Variants in IFT122 observed in about 807,000 individuals in gnomAD.
IFT122 encodes the protein intraflagellar transport protein 122 homolog.
A neutral mutation model predicts 161.6 loss-of-function variants in IFT122; 118 were observed. That is an observed-to-expected ratio of 0.73 (90% CI 0.63 to 0.85). The LOEUF is 0.85. Ranked by LOEUF, IFT122 falls within the 40% of genes least tolerant of loss-of-function variation. The pLI, the probability that IFT122 is intolerant of heterozygous loss-of-function variation, is 0.00. For synonymous variants in IFT122, 550 were observed against 602.4 expected, an observed-to-expected ratio of 0.91 and a Z score of 1.27; for missense variants, 1,381 against 1,579.6, an observed-to-expected ratio of 0.87 and a Z score of 2.13.
intron 4 of IFT122, among the ~76,000 whole-genome samples, chr3:129,458,945 C>T (rs1479188852): frequency 6.6e-6 from 1 of 152,132 alleles, no homozygotes; most frequent in African/African-American, 2.4e-5. Context: ...TTTATCCCAC[C>T]CCCAACCTGT....
In IFT122 at chr3:129,451,968, A is replaced by G; in HGVS notation, c.163A>G (p.Thr55Ala). The G allele has an allele frequency of 1.2e-6, 2 of 1,613,980 alleles. No individual in the cohort carries two copies. Among genetic ancestry groups the G allele is most frequent in the East Asian group, 2.2e-5 (1 of 44,870 alleles). The change falls in exon 3 of 30, where the codon ACT (threonine) becomes GCT (alanine). Residue 55 changes from threonine (T) to alanine (A), a missense_variant. Physicochemically the swap from Thr to Ala is moderately conservative, Grantham distance 58 (BLOSUM62 0). Around this residue, in one of 7 missense-constraint regions of IFT122, gnomAD observed 134 missense variants for 137.4 expected, o/e 0.98. Transcript: ENST00000348417. ...TCAGCCCCTCAAGGGACACAAAGAC[A>G]CTGTGTACTGTGTGGCATATGCGAA... ...LLQPLKGHKD[T>A]VYCVAYAKDG... is the part of the protein sequence containing the mutation.
chr3:129,482,138 A>T (rs909358076), intron 14 of IFT122, among the ~76,000 whole-genome samples: 1 of 152,222 alleles, frequency 6.6e-6, no homozygotes, highest in Non-Finnish European at 1.5e-5. Flanking sequence ...ATGTTTTGTC[A>T]TCTGAAAGGG....
chr3:129,518,363 C>T (rs986802360), intron 27 of IFT122, among the ~76,000 whole-genome samples: 1 of 152,254 alleles, frequency 6.6e-6, no homozygotes, highest in African/African-American at 2.4e-5. Flanking sequence ...GGGAACAGCA[C>T]ACACGTGGCC....
At chr3:129,474,223 C>T (rs2108255082) in intron 9 of IFT122, among the ~76,000 whole-genome samples, 1 of 152,146 alleles carries the variant, frequency 6.6e-6, no homozygotes, top group Admixed American at 6.5e-5. Flanking sequence ...AATTGGATGC[C>T]TTAAACAGTC....
chr3:129,509,489 G>A (rs1025229651), intron 23 of IFT122, among the ~76,000 whole-genome samples: 6 of 152,140 alleles, frequency 3.9e-5, no homozygotes, highest in South Asian at 2.1e-4. Flanking sequence ...GGCCAAATGC[G>A]TTGTCGATGT....
chr3:129,501,936 A>G (rs2081605489), intron 19 of IFT122, among the ~76,000 whole-genome samples: 1 of 152,188 alleles, frequency 6.6e-6, no homozygotes, highest in African/African-American at 2.4e-5. Context: ...TCTCACCAAG[A>G]CTAGCCTGGG....
intron 1 of IFT122, 37 bp from the exon 2 acceptor site, chr3:129,449,834 G>A (rs760410345): frequency 8.4e-6 from 12 of 1,429,616 alleles, no homozygotes; most frequent in Non-Finnish European, 1.2e-5. Flanking sequence ...TCATCATTTT[G>A]GTTCCTAATT....
intron 3 of IFT122, among the ~76,000 whole-genome samples, chr3:129,453,576 T>C (rs2075107568): frequency 6.6e-6 from 1 of 152,106 alleles, no homozygotes. Flanking sequence ...TAACCAGAGG[T>C]GGTTTTGCAA....
chr3:129,507,712 C>T lies in IFT122; in HGVS notation c.2836C>T (p.Gln946Ter). The change falls in exon 23 of 30, where the codon CAG becomes TAG. Residue 946 changes from glutamine (Q) to a stop codon, truncating the protein, a stop_gained. Transcript: ENST00000348417. LOFTEE classifies it high-confidence loss of function. ...AATGCTTGGCAAGTTCTACCACTTCCAGCGTTTGGCAGAGCTGTACCATGG... is the reference window on the plus strand; with the variant it reads ...AATGCTTGGCAAGTTCTACCACTTCTAGCGTTTGGCAGAGCTGTACCATGG... ...DTMLGKFYHF[Q>*]RLAELYHGYH... is the part of the protein sequence containing the mutation. 1 of 1,614,188 alleles carries T rather than the reference C, an allele frequency of 6.2e-7. No individual in the cohort carries two copies. Among genetic ancestry groups the T allele is most frequent in the African/African-American group, 1.3e-5 (1 of 75,062 alleles).
chr3:129,479,255 CAAAA>C (rs547629384), intron 12 of IFT122, among the ~76,000 whole-genome samples: 1 of 81,402 alleles, frequency 1.2e-5, no homozygotes. Flanking sequence ...CCATCTCCAC[CAAAA>C]AAAAAAAAAA....
chr3:129,520,330 A>G lies in IFT122; in HGVS notation c.*65A>G. ...GGGGTCTGCTGGGCTGTGAAGGAGA[A>G]TAAAGAGTTAAACTGTCAGAATGTG... On this transcript the variant is annotated 3_prime_UTR_variant, in exon 30 of 30. Coordinates refer to ENST00000348417, the MANE Select transcript of IFT122 (RefSeq NM_052989.3). The G allele has an allele frequency of 1.6e-6, 2 of 1,238,702 alleles. No individual in the cohort carries two copies. Among genetic ancestry groups the G allele is most frequent in the South Asian group, 2.5e-5 (2 of 79,678 alleles). The allele number at this position is 1,238,702 out of a possible 1,614,324, so 76.7% of individuals were successfully genotyped here.
intron 19 of IFT122, among the ~76,000 whole-genome samples, chr3:129,500,523 C>T (rs955469039): frequency 3.9e-5 from 6 of 152,146 alleles, no homozygotes; most frequent in African/African-American, 7.2e-5. Context: ...GCCAACTACG[C>T]GTGTAATGGT....
intron 2 of IFT122, among the ~76,000 whole-genome samples, chr3:129,451,072 A>C (rs2074776635): frequency 6.6e-6 from 1 of 151,602 alleles, no homozygotes. Flanking sequence ...CATGGCTATC[A>C]AATACCTAAA....
intron 18 of IFT122, among the ~76,000 whole-genome samples, chr3:129,497,865 A>G (rs1349404084): frequency 2.0e-5 from 3 of 152,196 alleles, no homozygotes; most frequent in Admixed American, 6.5e-5. Flanking sequence ...CCAAGATTCA[A>G]TCTGGTTTTC....
intron 16 of IFT122, among the ~76,000 whole-genome samples, chr3:129,489,095 C>G (rs2079698153): frequency 6.6e-6 from 1 of 152,208 alleles, no homozygotes; most frequent in African/African-American, 2.4e-5. Context: ...ACTCCCCTAC[C>G]CCTTCCCTCT....
In IFT122 at chr3:129,486,890, C is replaced by T. The variant is rs568466059; in HGVS notation, c.1852-1367C>T. ...GGCCTGGGTTCTAGGTCACCTGCTC[C>T]GTAGCCTATGCCTGCTGCCCCGCTA... is the stretch of plus-strand genomic sequence containing the variant. On this transcript the variant is annotated intron_variant, in intron 15 of 29. Coordinates refer to ENST00000348417, the MANE Select transcript of IFT122 (RefSeq NM_052989.3). Among the ~76,000 whole-genome samples, 15 of 152,298 alleles carry T rather than the reference C, an allele frequency of 9.8e-5. 1 individual carries two copies. The South Asian group carries it at 1.9e-3, about 19-fold the overall frequency.
chr3:129,514,793 C>T lies in IFT122; in HGVS notation c.3153+239C>T, dbSNP rs368102876. The T allele has an allele frequency of 1.3e-5, 8 of 612,652 alleles. No individual in the cohort carries two copies. The East Asian group carries it at 2.3e-4, about 18-fold the overall frequency. 38.0% of individuals were successfully genotyped at this position (612,652 alleles called of 1,614,324 possible). ...CCCGGCCCCGGCCTCAGCCCTCAGC[C>T]TGGCCTCCCTTGCTCCTTGCCCTCC... On this transcript the variant is annotated intron_variant, in intron 25 of 29. Coordinates refer to ENST00000348417, the MANE Select transcript of IFT122 (RefSeq NM_052989.3).
rs576682689 is a variant in IFT122, at chr3:129,508,741, C to T, written c.2886+979C>T. 2.0e-5 allele frequency among the ~76,000 whole-genome samples: 3 copies of T among 152,182 alleles called. No homozygotes were observed. In the East Asian group the frequency reaches 5.8e-4, roughly 29 times the overall value. ...TCCTGCTGGTTGTGGAAGCATTTTCCCTGCAAAAAGTTGTTGAGATGGTTG... is the reference window on the plus strand; with the variant it reads ...TCCTGCTGGTTGTGGAAGCATTTTCTCTGCAAAAAGTTGTTGAGATGGTTG... On this transcript the variant is annotated intron_variant, in intron 23 of 29. Transcript: ENST00000348417.
chr3:129,520,414 C>G lies in IFT122; in HGVS notation c.*149C>G. ...GGGGGCCTTGTGTAACCACGGAATTCCTATTTATGGCATTTCATGCCTTGT... is the reference window on the plus strand; with the variant it reads ...GGGGGCCTTGTGTAACCACGGAATTGCTATTTATGGCATTTCATGCCTTGT... On this transcript the variant is annotated 3_prime_UTR_variant, in exon 30 of 30. Coordinates refer to ENST00000348417, the MANE Select transcript of IFT122 (RefSeq NM_052989.3). The G allele has an allele frequency of 1.4e-6, 1 of 705,416 alleles. No homozygotes were observed. Among genetic ancestry groups the G allele is most frequent in the Admixed American group, 2.0e-5 (1 of 49,712 alleles). The allele number at this position is 705,416 out of a possible 1,614,324, so 43.7% of individuals were successfully genotyped here. A position where few individuals can be genotyped will look rare whatever the true frequency, so the allele number is the denominator to read the frequency against.
Sources: gnomAD v4.1 joint callset for allele counts (sites outside exome capture counted in the v4.1 genomes callset) on GRCh38, gnomAD v4.1.1 for gene constraint, gnomAD v4.1.1 regional missense constraint, MANE v1.5 for transcripts, NCBI Gene and HGNC (gene_info 2026-07-23, HGNC 2026-07-21) for gene names.